NEGR1: variants seen among roughly 807,000 people sequenced by gnomAD.
NEGR1 encodes neuronal growth regulator 1.
A neutral mutation model predicts 40.9 loss-of-function variants in NEGR1; 10 were observed. That is an observed-to-expected ratio of 0.24 (90% CI 0.15 to 0.42). NEGR1 has a LOEUF of 0.42. NEGR1 is among the 10% of genes least tolerant of loss of function. The probability of loss-of-function intolerance (pLI) is 1.00; values close to 1 mark genes in which losing one functional copy is unlikely to be tolerated. For missense variants in NEGR1, 352 were observed against 438.9 expected, an observed-to-expected ratio of 0.80 and a Z score of 1.77; for synonymous variants, 185 against 166.8, an observed-to-expected ratio of 1.11 and a Z score of -0.84.
intron 2 of NEGR1, among the ~76,000 whole-genome samples, chr1:71,875,197 T>C (rs1465324416): frequency 1.3e-5 from 2 of 152,138 alleles, no homozygotes; most frequent in African/African-American, 4.8e-5. Flanking sequence ...CAAATGCAAA[T>C]ATAAATAAAA....
chr1:71,881,339 G>GT (rs1178001718), intron 2 of NEGR1, among the ~76,000 whole-genome samples: 12 of 152,106 alleles, frequency 7.9e-5, no homozygotes, highest in African/African-American at 2.9e-4. Flanking sequence ...ATATTGATAG[G>GT]TTTTTCCTTA....
chr1:71,976,326 C>G (rs1037842939), intron 1 of NEGR1, among the ~76,000 whole-genome samples: 1 of 152,128 alleles, frequency 6.6e-6, no homozygotes, highest in South Asian at 2.1e-4. Context: ...TCAGCTTATG[C>G]AATATGTACG....
intron 1 of NEGR1, among the ~76,000 whole-genome samples, chr1:71,961,273 G>A (rs1646163441): frequency 6.6e-6 from 1 of 152,142 alleles, no homozygotes; most frequent in South Asian, 2.1e-4. Flanking sequence ...CCTGTCTCTT[G>A]AGGTACGATG....
intron 1 of NEGR1, among the ~76,000 whole-genome samples, chr1:72,143,547 T>C (rs1478245832): frequency 6.6e-6 from 1 of 151,738 alleles, no homozygotes; most frequent in African/African-American, 2.4e-5. Context: ...CCTAATAAAA[T>C]ATAAATAATT....
intron 1 of NEGR1, among the ~76,000 whole-genome samples, chr1:72,003,307 A>AT: frequency 6.6e-6 from 1 of 151,156 alleles, no homozygotes; most frequent in African/African-American, 2.5e-5. Context: ...AAATATCAAC[A>AT]TTTTTGTACC....
intron 1 of NEGR1, among the ~76,000 whole-genome samples, chr1:72,129,476 C>G (rs911761359): frequency 6.6e-6 from 1 of 151,982 alleles, no homozygotes; most frequent in African/African-American, 2.4e-5. Context: ...TTCTTATATA[C>G]CAGAGCTAGT....
chr1:71,441,841 A>G (rs917068319), intron 6 of NEGR1, among the ~76,000 whole-genome samples: 1 of 152,308 alleles, frequency 6.6e-6, no homozygotes, highest in Non-Finnish European at 1.5e-5. Context: ...AAGATAGTCC[A>G]ATTAGGAGAG....
intron 1 of NEGR1, among the ~76,000 whole-genome samples, chr1:72,030,269 A>G (rs1198127028): frequency 6.6e-6 from 1 of 151,516 alleles, no homozygotes. Context: ...ATCTTGGCTC[A>G]CTACAACCTC....
intron 2 of NEGR1, among the ~76,000 whole-genome samples, chr1:71,865,044 A>G (rs943520845): frequency 9.2e-5 from 14 of 152,184 alleles, no homozygotes; most frequent in African/African-American, 2.9e-4. Context: ...AAGTTTTTCA[A>G]TGAAAAGAAG....
At chr1:71,442,451 T>C (rs1052012579) in intron 6 of NEGR1, among the ~76,000 whole-genome samples, 4 of 151,862 alleles carry the variant, frequency 2.6e-5, no homozygotes, top group Non-Finnish European at 4.4e-5. Flanking sequence ...CAGACTCTAC[T>C]AAAAATACAA....
At chr1:71,687,168 T>C (rs1185336684) in intron 4 of NEGR1, among the ~76,000 whole-genome samples, 1 of 152,196 alleles carries the variant, frequency 6.6e-6, no homozygotes, top group African/African-American at 2.4e-5. Flanking sequence ...TTATCTAAAT[T>C]GCTAACTTAA....
At chr1:71,801,991 T>C (rs1253246426) in intron 2 of NEGR1, among the ~76,000 whole-genome samples, 3 of 152,156 alleles carry the variant, frequency 2.0e-5, no homozygotes, top group African/African-American at 7.2e-5. Flanking sequence ...ATGAGGAACA[T>C]GTTATCAGAG....
chr1:72,227,109 T>C (rs1557587793), intron 1 of NEGR1, among the ~76,000 whole-genome samples: 1 of 152,110 alleles, frequency 6.6e-6, no homozygotes. Context: ...TGGGATGTGC[T>C]CTCTTGCATT....
At chr1:72,179,576 G>C (rs1652291464) in intron 1 of NEGR1, among the ~76,000 whole-genome samples, 1 of 152,014 alleles carries the variant, frequency 6.6e-6, no homozygotes, top group African/African-American at 2.4e-5. Context: ...TGCACTTTTA[G>C]AATTCTAAGA....
At chr1:71,852,061 C>T (rs1337532296) in intron 2 of NEGR1, among the ~76,000 whole-genome samples, 1 of 152,176 alleles carries the variant, frequency 6.6e-6, no homozygotes, top group Non-Finnish European at 1.5e-5. Context: ...CTATCCTTTA[C>T]CATGTAGCTA....
At chr1:71,419,024 C>G (rs908132781) in intron 6 of NEGR1, among the ~76,000 whole-genome samples, 1 of 152,180 alleles carries the variant, frequency 6.6e-6, no homozygotes, top group Admixed American at 6.5e-5. Flanking sequence ...GTGTGCAGGG[C>G]AAACAATTCT....
intron 1 of NEGR1, among the ~76,000 whole-genome samples, chr1:72,026,550 C>A (rs531282413): frequency 3.0e-4 from 42 of 141,692 alleles, no homozygotes; most frequent in South Asian, 1.8e-3. Flanking sequence ...ACAACAACAA[C>A]AAAAAAAACC....
At chr1:72,219,459 G>A (rs1347927551) in intron 1 of NEGR1, among the ~76,000 whole-genome samples, 7 of 151,826 alleles carry the variant, frequency 4.6e-5, no homozygotes, top group Non-Finnish European at 4.4e-5. Context: ...AGGCAAGCTT[G>A]GCATTTTAGA....
intron 4 of NEGR1, among the ~76,000 whole-genome samples, chr1:71,672,908 T>C (rs879126794): frequency 6.6e-6 from 1 of 152,132 alleles, no homozygotes; most frequent in East Asian, 1.9e-4. Flanking sequence ...GTTGAGGACA[T>C]TGTGGGATTT....
Sources: gnomAD v4.1 joint callset for allele counts (sites outside exome capture counted in the v4.1 genomes callset) on GRCh38, gnomAD v4.1.1 for gene constraint, MANE v1.5 for transcripts, NCBI Gene and HGNC (gene_info 2026-07-23, HGNC 2026-07-21) for gene names.